TENM1: variants seen among roughly 807,000 people sequenced by gnomAD.
TENM1 encodes the protein teneurin-1.
TENM1 carries 35 observed loss-of-function variants against 174.8 expected under a neutral mutation model. The observed-to-expected ratio is 0.20, with a 90% CI of 0.15 to 0.27. TENM1 has a LOEUF of 0.27. Ranked by LOEUF, TENM1 falls within the 10% of genes least tolerant of loss-of-function variation. The probability of loss-of-function intolerance (pLI) is 1.00; values close to 1 mark genes in which losing one functional copy is unlikely to be tolerated. For synonymous variants in TENM1, 781 were observed against 798.7 expected (o/e 0.98, Z 0.37); for missense variants, 1,633 against 2,130.1 (o/e 0.77, Z 4.59).
Position 124,643,512 on chromosome X carries a change from C to A in TENM1, c.1877-1521G>T, listed in dbSNP as rs142189379. On this transcript the variant is annotated intron_variant, in intron 10 of 31. Coordinates refer to ENST00000422452, the Ensembl canonical transcript of TENM1. ...CCAGATTTTCTAGTGTTTAGAGAAG[C>A]CAGAAATAGGAATTCTCATGTGGCA... Among the ~76,000 whole-genome samples the A allele has an allele frequency of 6.9e-3, 765 of 111,126 alleles. 11 individuals are homozygous for A. The highest frequency in any genetic ancestry group is 0.023 in the African/African-American group (709 of 30,548).
chrX:124,726,041 A>T (rs1383321491), intron 4 of TENM1, among the ~76,000 whole-genome samples: 1 of 112,000 alleles, frequency 8.9e-6, no homozygotes, highest in Non-Finnish European at 1.9e-5. Context: ...GGGCAAAATG[A>T]TGGGTACAGA....
chrX:124,379,656 T>C (rs372222656), exon 32 of TENM1: 1 of 112,241 alleles, frequency 8.9e-6, no homozygotes, highest in Admixed American at 9.5e-5. Flanking sequence ...CACAAAACCA[T>C]TGGGTCAGTG....
chrX:125,062,803 C>A, the TENM1 span, among the ~76,000 whole-genome samples: 4 of 111,880 alleles, frequency 3.6e-5, no homozygotes, highest in East Asian at 1.1e-3. Flanking sequence ...CCAGCATGGG[C>A]ACACTCTGAA....
chrX:124,978,227 C>T, the TENM1 span, among the ~76,000 whole-genome samples: 5 of 110,987 alleles, frequency 4.5e-5, no homozygotes, highest in Non-Finnish European at 9.4e-5. Context: ...ACAATTTGGT[C>T]ATTTTTGTCA....
At chrX:124,755,176 A>T (rs1412347606) in intron 3 of TENM1, among the ~76,000 whole-genome samples, 2 of 104,380 alleles carry the variant, frequency 1.9e-5, no homozygotes, top group Non-Finnish European at 1.9e-5. Context: ...GTGCTCCTGT[A>T]TTGGGTGCAT....
chrX:125,185,232 T>G, the TENM1 span, among the ~76,000 whole-genome samples: 1 of 112,447 alleles, frequency 8.9e-6, no homozygotes, highest in African/African-American at 3.2e-5. Context: ...TAAATGGAAT[T>G]ATCTGTTCCA....
chrX:125,098,454 T>C, the TENM1 span, among the ~76,000 whole-genome samples: 1 of 111,570 alleles, frequency 9.0e-6, no homozygotes, highest in African/African-American at 3.3e-5. Flanking sequence ...AACTGATGGA[T>C]TGATTGCGTT....
At chrX:124,392,396 C>G in intron 27 of TENM1, 48 bp from the exon 31 acceptor site, 1 of 953,522 alleles carries the variant, frequency 1.0e-6, no homozygotes, top group Non-Finnish European at 1.5e-6. Context: ...CCTTGTTCCC[C>G]TCATTAGAGC....
intron 1 of TENM1, among the ~76,000 whole-genome samples, chrX:124,903,397 C>T (rs983389368): frequency 9.0e-6 from 1 of 110,983 alleles, no homozygotes; most frequent in Non-Finnish European, 1.9e-5. Context: ...GTAAAAATGG[C>T]TCAAATCAGA....
At chrX:124,865,787 A>G (rs1279898433) in intron 3 of TENM1, among the ~76,000 whole-genome samples, 1 of 111,847 alleles carries the variant, frequency 8.9e-6, no homozygotes, top group African/African-American at 3.2e-5. Context: ...TAAAGCACAC[A>G]TAGACTGAAA....
exon 32 of TENM1, chrX:124,377,736 A>C (rs887676707): frequency 4.5e-5 from 5 of 111,756 alleles, no homozygotes; most frequent in African/African-American, 1.6e-4. Context: ...ACTTACTCGA[A>C]TGGTGTGTGG....
At chrX:125,036,629 G>C in the TENM1 span, among the ~76,000 whole-genome samples, 1 of 111,907 alleles carries the variant, frequency 8.9e-6, no homozygotes, top group Non-Finnish European at 1.9e-5. Context: ...TCTACTTACA[G>C]AGAATTAAAA....
intron 20 of TENM1, among the ~76,000 whole-genome samples, chrX:124,488,231 T>C (rs1024453053): frequency 4.4e-5 from 5 of 112,575 alleles, no homozygotes; most frequent in Non-Finnish European, 9.4e-5. Flanking sequence ...ATTAAAAGGC[T>C]ATAATCATCT....
At chrX:124,733,288 G>T (rs1045717110) in intron 4 of TENM1, among the ~76,000 whole-genome samples, 5 of 112,146 alleles carry the variant, frequency 4.5e-5, no homozygotes, top group African/African-American at 1.6e-4. Context: ...GATAGATTTT[G>T]GTTCAAAAAG....
chrX:124,457,274 C>T (rs2061119889), intron 22 of TENM1, among the ~76,000 whole-genome samples: 1 of 112,079 alleles, frequency 8.9e-6, no homozygotes, highest in African/African-American at 3.2e-5. Flanking sequence ...ATAATGAAAG[C>T]ACTGACAGAC....
chrX:125,203,990 C>G, the TENM1 span: 1 of 113,311 alleles, frequency 8.8e-6, no homozygotes. Context: ...TTGCTCTCCT[C>G]CGGCTGCTGG....
At chrX:124,881,053 G>C (rs1243941125) in intron 3 of TENM1, among the ~76,000 whole-genome samples, 1 of 111,917 alleles carries the variant, frequency 8.9e-6, no homozygotes, top group African/African-American at 3.2e-5. Context: ...TGTAGGATGA[G>C]TTAGGGAGAA....
At chrX:125,085,184 C>CAA in the TENM1 span, among the ~76,000 whole-genome samples, 3 of 99,077 alleles carry the variant, frequency 3.0e-5, no homozygotes, top group African/African-American at 1.1e-4. Flanking sequence ...ACATACAGGG[C>CAA]AAAAAAAAAA....
At chrX:124,872,578 T>A (rs1252060748) in intron 3 of TENM1, among the ~76,000 whole-genome samples, 1 of 112,229 alleles carries the variant, frequency 8.9e-6, no homozygotes, top group Non-Finnish European at 1.9e-5. Context: ...AGCATAATAG[T>A]CATTTGTTCA....
Sources: allele counts gnomAD v4.1 joint callset (sites outside exome capture counted in the v4.1 genomes callset), GRCh38; gene constraint gnomAD v4.1.1; transcripts MANE v1.5; gene names NCBI Gene and HGNC (gene_info 2026-07-23, HGNC 2026-07-21).